FHIP1A: variants seen among roughly 807,000 people sequenced by gnomAD.
The protein encoded by FHIP1A is FHF complex subunit HOOK interacting protein 1A.
In FHIP1A, 61 loss-of-function variants were observed where a neutral mutation model predicts 88.6. The ratio of observed to expected loss-of-function variants is 0.69; its 90% confidence interval spans 0.56 to 0.85. FHIP1A has a LOEUF of 0.85. Among genes scored for constraint, FHIP1A ranks in the 40% least tolerant of loss-of-function variants. FHIP1A has a pLI of 0.00. For missense variants in FHIP1A, 1,154 were observed against 1,273.5 expected, an observed-to-expected ratio of 0.91 and a Z score of 1.43; for synonymous variants, 478 against 496.0, an observed-to-expected ratio of 0.96 and a Z score of 0.48.
chr4:151,640,481 A>T (rs991671527), intron 9 of FHIP1A, among the ~76,000 whole-genome samples: 2 of 152,236 alleles, frequency 1.3e-5, no homozygotes, highest in African/African-American at 4.8e-5. Context: ...GGATTATGTT[A>T]GCTCCTCATC....
chr4:151,433,145 G>T (rs983312060), intron 1 of FHIP1A, among the ~76,000 whole-genome samples: 3 of 152,202 alleles, frequency 2.0e-5, no homozygotes, highest in African/African-American at 7.2e-5. Context: ...GAAATGCGAT[G>T]AAGGTTTTTG....
Position 151,654,752 on chromosome 4 carries a change from T to G in FHIP1A, c.2552-1480T>G, listed in dbSNP as rs546099733. 9.3e-4 allele frequency among the ~76,000 whole-genome samples: 142 copies of G among 152,318 alleles called. 1 individual carries two copies. The highest frequency in any genetic ancestry group is 3.3e-3 in the African/African-American group (139 of 41,558). On this transcript the variant is annotated intron_variant, in intron 11 of 13. Coordinates refer to ENST00000435205, the MANE Select transcript of FHIP1A (RefSeq NM_001109977.3). Reference sequence around the variant, plus strand: ...CCCTATCCAGAGTTTCCAAATGTGTTTGGCAAGTCTCCCAGTTGTTTGTTA... The same window carrying G: ...CCCTATCCAGAGTTTCCAAATGTGTGTGGCAAGTCTCCCAGTTGTTTGTTA...
At chr4:151,536,615 C>G (rs1359024648) in intron 3 of FHIP1A, among the ~76,000 whole-genome samples, 1 of 152,194 alleles carries the variant, frequency 6.6e-6, no homozygotes, top group African/African-American at 2.4e-5. Flanking sequence ...CAGAGTCATT[C>G]AAGCTGTTGT....
At chr4:151,581,015 G>A (rs945490248) in intron 5 of FHIP1A, among the ~76,000 whole-genome samples, 11 of 152,050 alleles carry the variant, frequency 7.2e-5, no homozygotes, top group African/African-American at 1.4e-4. Context: ...GTGCCACCAC[G>A]CCCAGGTAAT....
chr4:151,419,602 T>A (rs1393996627), intron 1 of FHIP1A, among the ~76,000 whole-genome samples: 5 of 21,988 alleles, frequency 2.3e-4, no homozygotes, highest in African/African-American at 5.4e-4. Flanking sequence ...TTTTTTTTTT[T>A]ATTATACTCT....
chr4:151,592,912 T>G (rs1734493023), intron 7 of FHIP1A, among the ~76,000 whole-genome samples: 1 of 152,256 alleles, frequency 6.6e-6, no homozygotes, highest in South Asian at 2.1e-4. Context: ...CATTTAACTC[T>G]TTAATCCATC....
At chr4:151,642,964 G>A (rs528997032) in intron 9 of FHIP1A, among the ~76,000 whole-genome samples, 46 of 150,056 alleles carry the variant, frequency 3.1e-4, no homozygotes, top group African/African-American at 1.0e-3. Flanking sequence ...TTCCTTCTGT[G>A]TTGGGGGATG....
At chr4:151,536,514 A>C (rs1326289665) in intron 3 of FHIP1A, among the ~76,000 whole-genome samples, 1 of 152,156 alleles carries the variant, frequency 6.6e-6, no homozygotes. Context: ...CTCCATTTCT[A>C]AAATTTTATC....
intron 1 of FHIP1A, among the ~76,000 whole-genome samples, chr4:151,428,993 A>T (rs1197733984): frequency 6.6e-6 from 1 of 152,064 alleles, no homozygotes; most frequent in African/African-American, 2.4e-5. Context: ...TTTTTTTCCC[A>T]TTGGACTTAC....
chr4:151,568,290 T>C (rs1386472100), intron 4 of FHIP1A, among the ~76,000 whole-genome samples: 1 of 152,232 alleles, frequency 6.6e-6, no homozygotes, highest in Non-Finnish European at 1.5e-5. Flanking sequence ...GATAACTTTG[T>C]CATAGGGGAT....
At chr4:151,560,393 C>T (rs997860660) in intron 3 of FHIP1A, among the ~76,000 whole-genome samples, 13 of 152,136 alleles carry the variant, frequency 8.5e-5, no homozygotes, top group Admixed American at 4.6e-4. Context: ...TTCCAGAGAA[C>T]ATGACCAAGA....
intron 4 of FHIP1A, among the ~76,000 whole-genome samples, chr4:151,570,933 C>CTAT: frequency 6.6e-6 from 1 of 152,150 alleles, no homozygotes; most frequent in African/African-American, 2.4e-5. Context: ...TTATAGTAGT[C>CTAT]TATTAGAACA....
chr4:151,619,288 T>C (rs77848521), intron 7 of FHIP1A, among the ~76,000 whole-genome samples: 6,364 of 152,332 alleles, frequency 0.042, 182 homozygotes, highest in Middle Eastern at 0.13. Flanking sequence ...GTTTTTAACT[T>C]AAAAAATTAA....
intron 3 of FHIP1A, among the ~76,000 whole-genome samples, chr4:151,526,665 ACCC>A (rs1175621631): frequency 7.1e-6 from 1 of 139,896 alleles, no homozygotes; most frequent in Non-Finnish European, 1.5e-5. Flanking sequence ...CGGGGGGCTG[ACCC>A]CCCCTCCTCC....
At chr4:151,556,234 T>G (rs1052825856) in intron 3 of FHIP1A, among the ~76,000 whole-genome samples, 1 of 152,172 alleles carries the variant, frequency 6.6e-6, no homozygotes, top group African/African-American at 2.4e-5. Context: ...GCTAATTTCC[T>G]TACCAGTTCA....
intron 3 of FHIP1A, among the ~76,000 whole-genome samples, chr4:151,483,989 G>A (rs993253299): frequency 6.6e-6 from 1 of 152,172 alleles, no homozygotes; most frequent in Non-Finnish European, 1.5e-5. Context: ...TAAGTTTTAT[G>A]TTAGCATTTG....
chr4:151,529,292 A>G (rs1731789707), intron 3 of FHIP1A, among the ~76,000 whole-genome samples: 1 of 152,160 alleles, frequency 6.6e-6, no homozygotes, highest in Non-Finnish European at 1.5e-5. Context: ...AGAGGCTGGA[A>G]TCAAAAGGCT....
chr4:151,588,993 C>T, intron 7 of FHIP1A, 67 bp downstream of exon 7: 1 of 1,047,510 alleles, frequency 9.5e-7, no homozygotes, highest in Non-Finnish European at 1.4e-6. Context: ...GGAGGGTAAA[C>T]ACAGTGTAAT....
At chr4:151,638,098 A>G (rs1321424586) in intron 8 of FHIP1A, among the ~76,000 whole-genome samples, 1 of 152,168 alleles carries the variant, frequency 6.6e-6, no homozygotes, top group Non-Finnish European at 1.5e-5. Context: ...TGTGTTTTAA[A>G]GAACTTTTTA....
Sources: gnomAD v4.1 joint callset for allele counts (sites outside exome capture counted in the v4.1 genomes callset) on GRCh38, gnomAD v4.1.1 for gene constraint, MANE v1.5 for transcripts, NCBI Gene and HGNC (gene_info 2026-07-23, HGNC 2026-07-21) for gene names.